The following CAMTA1 variants were observed in gnomAD, a reference collection of about 807,000 sequenced individuals.
The protein encoded by CAMTA1 is calmodulin binding transcription activator 1, also known as calmodulin-binding transcription activator 1.
CAMTA1 carries 27 observed loss-of-function variants against 170.9 expected under a neutral mutation model. That is an observed-to-expected ratio of 0.16 (90% CI 0.12 to 0.22). The LOEUF is 0.22. Ranked by LOEUF, CAMTA1 falls within the 10% of genes least tolerant of loss-of-function variation. The pLI, the probability that CAMTA1 is intolerant of heterozygous loss-of-function variation, is 1.00. For synonymous variants in CAMTA1, 833 were observed against 891.5 expected (o/e 0.93, Z 1.17); for missense variants, 1,619 against 2,217.2 (o/e 0.73, Z 5.42).
intron 6 of CAMTA1, among the ~76,000 whole-genome samples, chr1:7,528,016 G>A (rs2094449291): frequency 6.6e-6 from 1 of 152,156 alleles, no homozygotes; most frequent in Admixed American, 6.5e-5. Context: ...GGAGCCCTGG[G>A]GTTAGGAAGC....
chr1:7,641,822 C>T lies in CAMTA1; in HGVS notation c.664+1269C>T, dbSNP rs1380975209. On this transcript the variant is annotated intron_variant, in intron 7 of 22. Transcript: ENST00000303635. This position sits in a 1 kb window ranked among gnomAD's most constrained non-coding sequence, Gnocchi z 4.5. ...GCAGGCAGCCCAGGGACCTCCTGAG[C>T]TCAGACCACACCCAGTGGCAACCTT... 6.6e-6 allele frequency among the ~76,000 whole-genome samples: 1 copy of T among 152,136 alleles called. No individual in the cohort carries two copies.
chr1:7,004,311 C>G (rs1698667599), intron 3 of CAMTA1, among the ~76,000 whole-genome samples: 1 of 152,160 alleles, frequency 6.6e-6, no homozygotes, highest in Middle Eastern at 3.4e-3. Context: ...TAGACTTTTG[C>G]ATGAGGCAGC....
chr1:7,655,054 A>G (rs914781324), intron 7 of CAMTA1, among the ~76,000 whole-genome samples: 7 of 145,910 alleles, frequency 4.8e-5, no homozygotes, highest in African/African-American at 1.5e-4. Context: ...ACACACACCT[A>G]TACAAACACA....
At position 7,748,071 on chromosome 1, in the gene CAMTA1, C is replaced by T. The variant is rs1215434181; in HGVS notation, c.4689+290C>T. Among the ~76,000 whole-genome samples, 1 of 152,016 alleles carries T rather than the reference C, an allele frequency of 6.6e-6. No homozygotes were observed. The highest frequency in any genetic ancestry group is 1.5e-5 in the Non-Finnish European group (1 of 67,998). Reference sequence around the variant, plus strand: ...GGGACTACAGGCGTGTGCTACCATGCCCAGCTGATTTTTCTAGTTTTAGTA... The same window carrying T: ...GGGACTACAGGCGTGTGCTACCATGTCCAGCTGATTTTTCTAGTTTTAGTA... On this transcript the variant is annotated intron_variant, in intron 19 of 22. Coordinates refer to ENST00000303635, the MANE Select transcript of CAMTA1 (RefSeq NM_015215.4). The surrounding 1 kb of genome is among the most constrained non-coding windows in gnomAD (Gnocchi z 4.7).
At chr1:7,647,497 G>C (rs2095816651) in intron 7 of CAMTA1, among the ~76,000 whole-genome samples, 1 of 152,198 alleles carries the variant, frequency 6.6e-6, no homozygotes, top group Non-Finnish European at 1.5e-5. Context: ...CCTGGAGCTT[G>C]CAGGCGGGGG....
intron 6 of CAMTA1, among the ~76,000 whole-genome samples, chr1:7,473,596 C>T (rs932991766): frequency 6.6e-6 from 1 of 152,254 alleles, no homozygotes; most frequent in African/African-American, 2.4e-5. Context: ...CCCAGGGAGT[C>T]CTCCCTTCAT....
chr1:6,832,267 AG>A (rs1650598707), intron 3 of CAMTA1, among the ~76,000 whole-genome samples: 1 of 151,996 alleles, frequency 6.6e-6, no homozygotes, highest in Non-Finnish European at 1.5e-5. Flanking sequence ...TTGTAGAGAC[AG>A]GGTTTCACCA....
Position 6,970,879 on chromosome 1 carries a change from C to T in CAMTA1, c.235-120425C>T, listed in dbSNP as rs578127149. On this transcript the variant is annotated intron_variant, in intron 3 of 22. Coordinates refer to ENST00000303635, the MANE Select transcript of CAMTA1 (RefSeq NM_015215.4). This position sits in a 1 kb window ranked among gnomAD's most constrained non-coding sequence, Gnocchi z 4.4. ...GGCCAGTGGTAGTGTCTGCATGGAC[C>T]GTTGCTGGCTGTGGTCCTCTGCAGG... Among the ~76,000 whole-genome samples, 7 of 152,244 alleles carry T rather than the reference C, an allele frequency of 4.6e-5. No homozygotes were observed. In the East Asian group the frequency reaches 9.7e-4, roughly 21 times the overall value.
At chr1:7,072,961 T>C (rs576371595) in intron 3 of CAMTA1, among the ~76,000 whole-genome samples, 2 of 152,202 alleles carry the variant, frequency 1.3e-5, no homozygotes, top group East Asian at 3.9e-4. Context: ...TGGGCACTCC[T>C]TTAAAGGGTC....
chr1:7,146,051 C>T lies in CAMTA1; in HGVS notation c.302+54680C>T, dbSNP rs17030367. ...GCTTCTATTTACTGAACACTTACTA[C>T]GTGCGTGGCACTATGCCCAGTGCTT... On this transcript the variant is annotated intron_variant, in intron 4 of 22. Coordinates refer to ENST00000303635, the MANE Select transcript of CAMTA1 (RefSeq NM_015215.4). This position sits in a 1 kb window ranked among gnomAD's most constrained non-coding sequence, Gnocchi z 4.3. Among the ~76,000 whole-genome samples, 2,412 of 152,266 alleles carry T rather than the reference C, an allele frequency of 0.016. 67 individuals are homozygous for T. Among genetic ancestry groups the T allele is most frequent in the African/African-American group, 0.056 (2,317 of 41,530 alleles).
intron 4 of CAMTA1, among the ~76,000 whole-genome samples, chr1:7,151,325 A>C (rs1266913641): frequency 1.3e-5 from 2 of 152,220 alleles, no homozygotes; most frequent in Non-Finnish European, 2.9e-5. Context: ...CTTCATTAGC[A>C]TCTGGGCAGG....
At position 7,251,008 on chromosome 1, in the gene CAMTA1, A is replaced by G. The variant is rs1272564541; in HGVS notation, c.438+1382A>G. Among the ~76,000 whole-genome samples the G allele has an allele frequency of 1.3e-5, 2 of 152,178 alleles. No individual in the cohort carries two copies. The highest frequency in any genetic ancestry group is 6.5e-5 in the Admixed American group (1 of 15,276). ...CTTCCTGGGAGGACCCTCATCTCCT[A>G]CGCTGGAGGGAGAGGTAGAGAGTGA... On this transcript the variant is annotated intron_variant, in intron 5 of 22. Coordinates refer to ENST00000303635, the MANE Select transcript of CAMTA1 (RefSeq NM_015215.4). This position sits in a 1 kb window ranked among gnomAD's most constrained non-coding sequence, Gnocchi z 5.1.
intron 22 of CAMTA1, 36 bp from the exon 23 acceptor site, chr1:7,766,423 G>C (rs1311918340): frequency 6.2e-7 from 1 of 1,611,370 alleles, no homozygotes; most frequent in Non-Finnish European, 8.5e-7. Context: ...TCACTATAGA[G>C]TTATCGCCTG....
chr1:6,813,054 A>C (rs978203637), intron 1 of CAMTA1, among the ~76,000 whole-genome samples: 2 of 152,130 alleles, frequency 1.3e-5, no homozygotes, highest in Non-Finnish European at 2.9e-5. Context: ...TGTATACTTT[A>C]ATTTTTGTCT....
At chr1:7,450,656 T>C (rs2149458940) in intron 5 of CAMTA1, among the ~76,000 whole-genome samples, 1 of 152,364 alleles carries the variant, frequency 6.6e-6, no homozygotes, top group South Asian at 2.1e-4. Context: ...ACGAGTCATA[T>C]TTTAACACTG....
At chr1:7,651,128 T>A (rs2095846325) in intron 7 of CAMTA1, among the ~76,000 whole-genome samples, 1 of 152,118 alleles carries the variant, frequency 6.6e-6, no homozygotes, top group African/African-American at 2.4e-5. Flanking sequence ...CCTGGACAAA[T>A]GACCACAGCA....
In CAMTA1 at chr1:7,228,664, C is replaced by T. The variant is rs189766671; in HGVS notation, c.303-20827C>T. 2.3e-3 allele frequency among the ~76,000 whole-genome samples: 351 copies of T among 152,302 alleles called. 1 individual carries two copies. Among genetic ancestry groups the T allele is most frequent in the African/African-American group, 8.1e-3 (335 of 41,576 alleles). On this transcript the variant is annotated intron_variant, in intron 4 of 22. Coordinates refer to ENST00000303635, the MANE Select transcript of CAMTA1 (RefSeq NM_015215.4). ...ATGAAGCAAGAGCACCTACAGGGGC[C>T]TCGGACCGGGGATGGCGTTGCGGCA...
intron 6 of CAMTA1, among the ~76,000 whole-genome samples, chr1:7,554,127 C>A (rs1186528955): frequency 6.6e-6 from 1 of 152,138 alleles, no homozygotes; most frequent in Non-Finnish European, 1.5e-5. Context: ...TGAAAATTTC[C>A]TCCACATAAA....
chr1:7,311,674 GAGA>G (rs1676749598), intron 5 of CAMTA1, among the ~76,000 whole-genome samples: 1 of 152,066 alleles, frequency 6.6e-6, no homozygotes, highest in Non-Finnish European at 1.5e-5. Flanking sequence ...ATTATGTGAT[GAGA>G]CTCTAGGTCA....
Sources: allele counts gnomAD v4.1 joint callset (sites outside exome capture counted in the v4.1 genomes callset), GRCh38; gene constraint gnomAD v4.1.1; non-coding constraint Gnocchi (gnomAD v3.1); transcripts MANE v1.5; gene names NCBI Gene and HGNC (gene_info 2026-07-23, HGNC 2026-07-21).